TTC17: variants seen among roughly 807,000 people sequenced by gnomAD.
The protein encoded by TTC17 is tetratricopeptide repeat domain 17, also known as tetratricopeptide repeat protein 17.
A neutral mutation model predicts 143.8 loss-of-function variants in TTC17; 58 were observed. The observed-to-expected ratio is 0.40, with a 90% CI of 0.33 to 0.50. The LOEUF is 0.50. Ranked by LOEUF, TTC17 falls within the 20% of genes least tolerant of loss-of-function variation. TTC17 has a pLI of 0.49. For missense variants in TTC17, 1,273 were observed against 1,392.5 expected, an observed-to-expected ratio of 0.91 and a Z score of 1.37; for synonymous variants, 501 against 497.8, an observed-to-expected ratio of 1.01 and a Z score of -0.09.
chr11:43,396,833 C>T lies in TTC17; in HGVS notation c.773+15C>T, dbSNP rs780109978. ...TTCTCTTCCAGGTAAGATTCCTCCT[C>T]TTCTGGACCTGATTTTCCACATTCC... is the stretch of plus-strand genomic sequence containing the variant. On this transcript the variant is annotated intron_variant, in intron 6 of 23. Transcript: ENST00000039989. The T allele has an allele frequency of 2.0e-6, 3 of 1,520,332 alleles. No individual in the cohort carries two copies. The South Asian group carries it at 3.4e-5, about 17-fold the overall frequency. The allele number at this position is 1,520,332 out of a possible 1,614,324, so 94.2% of individuals were successfully genotyped here. A position where few individuals can be genotyped will look rare whatever the true frequency, so the allele number is the denominator to read the frequency against.
chr11:43,442,670 T>G (rs1311793865), intron 16 of TTC17, among the ~76,000 whole-genome samples: 1 of 152,194 alleles, frequency 6.6e-6, no homozygotes, highest in African/African-American at 2.4e-5. Context: ...ACATACTGAG[T>G]TCTCAGGAGA....
At chr11:43,387,293 T>A (rs1857205522) in intron 2 of TTC17, among the ~76,000 whole-genome samples, 1 of 152,170 alleles carries the variant, frequency 6.6e-6, no homozygotes, top group South Asian at 2.1e-4. Flanking sequence ...AGTGCTGTTC[T>A]CATGAAGGAA....
intron 15 of TTC17, among the ~76,000 whole-genome samples, chr11:43,408,488 G>A (rs1189953922): frequency 6.6e-6 from 1 of 152,138 alleles, no homozygotes; most frequent in Non-Finnish European, 1.5e-5. Context: ...GGTACAGTGG[G>A]AACAGATGTG....
At chr11:43,468,339 A>G (rs1375216213) in intron 21 of TTC17, 3 of 152,260 alleles carry the variant, frequency 2.0e-5, no homozygotes, top group Non-Finnish European at 2.9e-5. Flanking sequence ...AGAGGCCAAG[A>G]ATAAACCTTT....
intron 1 of TTC17, among the ~76,000 whole-genome samples, chr11:43,361,964 A>C (rs1856122443): frequency 6.6e-6 from 1 of 151,616 alleles, no homozygotes; most frequent in Non-Finnish European, 1.5e-5. Flanking sequence ...TGAATTGTCC[A>C]ACCATCATTA....
At position 43,494,193 on chromosome 11, in the gene TTC17, C is replaced by G. The variant is rs186611076; in HGVS notation, c.*289C>G. ...GCCAAGACATTTCTGGAGCTGTGCT[C>G]TGTCTCCAAAAACCTCAATGCCTTT... On this transcript the variant is annotated 3_prime_UTR_variant, in exon 24 of 24. Coordinates refer to ENST00000039989, the MANE Select transcript of TTC17 (RefSeq NM_018259.6). 19 of 238,010 alleles carry G rather than the reference C, an allele frequency of 8.0e-5. No homozygotes were observed. In the East Asian group the frequency reaches 1.5e-3, roughly 19 times the overall value. 14.7% of individuals were successfully genotyped at this position (238,010 alleles called of 1,614,324 possible). A position where few individuals can be genotyped will look rare whatever the true frequency, so the allele number is the denominator to read the frequency against.
intron 21 of TTC17, among the ~76,000 whole-genome samples, chr11:43,469,811 G>A (rs1332422370): frequency 6.6e-6 from 1 of 152,162 alleles, no homozygotes; most frequent in African/African-American, 2.4e-5. Flanking sequence ...ATTTGTTTAT[G>A]TAAGTTATAC....
chr11:43,433,293 C>G (rs889789777), intron 16 of TTC17, among the ~76,000 whole-genome samples: 5 of 152,216 alleles, frequency 3.3e-5, no homozygotes, highest in African/African-American at 4.8e-5. Context: ...GCCACCGCGC[C>G]TGGCCAAACT....
At chr11:43,427,543 C>T (rs1189002928) in intron 16 of TTC17, among the ~76,000 whole-genome samples, 1 of 152,140 alleles carries the variant, frequency 6.6e-6, no homozygotes, top group Non-Finnish European at 1.5e-5. Flanking sequence ...GCACTCATTG[C>T]TTTCTGCAGC....
chr11:43,400,500 C>CT (rs1410651991), intron 9 of TTC17, among the ~76,000 whole-genome samples: 2 of 152,118 alleles, frequency 1.3e-5, no homozygotes, highest in African/African-American at 2.4e-5. Flanking sequence ...AGGCCTTACA[C>CT]TAAGTGAATA....
intron 16 of TTC17, among the ~76,000 whole-genome samples, chr11:43,434,168 GACACACACACACACACACACACACAC>G (rs55913890): frequency 0.017 from 2,135 of 125,532 alleles, 38 homozygotes; most frequent in African/African-American, 0.027. Flanking sequence ...CATGGGCGGG[GACACACACACACACACACACACACAC>G]ACACACACAC....
chr11:43,436,077 G>C, intron 16 of TTC17: 3 of 1,139,486 alleles, frequency 2.6e-6, no homozygotes, highest in Non-Finnish European at 3.3e-6. Context: ...TCACATTTTT[G>C]CTCTTCTTGA....
chr11:43,401,361 T>G, intron 9 of TTC17, 85 bp from the exon 10 acceptor site: 1 of 862,514 alleles, frequency 1.2e-6, no homozygotes. Context: ...GATACAGGGT[T>G]GATACTAAAT....
rs762815039 is a variant in TTC17 at position 43,405,957 on chromosome 11, G to A, written c.1761+6G>A. On this transcript the variant is annotated splice_donor_region_variant and intron_variant, in intron 13 of 23. Transcript: ENST00000039989. The stretch of plus-strand genomic sequence containing the variant: ...CAGATGACCATGCACGAAAAGTAAG[G>A]CTCACTTAGGCTGGTATTTATTGCC... 4 of 1,610,350 alleles carry A rather than the reference G, an allele frequency of 2.5e-6. No individual in the cohort carries two copies. The South Asian group carries it at 3.3e-5, about 13-fold the overall frequency.
At position 43,370,343 on chromosome 11, in the gene TTC17, T is replaced by C. The variant is rs1336954905; in HGVS notation, c.160-8890T>C. 1.3e-4 allele frequency: 28 copies of C among 210,472 alleles called. No homozygotes were observed. The Admixed American group carries it at 1.6e-3, about 12-fold the overall frequency. 13.0% of individuals were successfully genotyped at this position (210,472 alleles called of 1,614,324 possible). A position where few individuals can be genotyped will look rare whatever the true frequency, so the allele number is the denominator to read the frequency against. Reference sequence around the variant, plus strand: ...TCTCTTAGACAATCATTTGATTGTTTGAGCTAGATTTGTGATAAGGGTAAA... The same window carrying C: ...TCTCTTAGACAATCATTTGATTGTTCGAGCTAGATTTGTGATAAGGGTAAA... On this transcript the variant is annotated intron_variant, in intron 1 of 23. Transcript: ENST00000039989.
chr11:43,479,673 G>A (rs1316018102), intron 21 of TTC17, among the ~76,000 whole-genome samples: 1 of 152,154 alleles, frequency 6.6e-6, no homozygotes, highest in African/African-American at 2.4e-5. Context: ...AATAACACTA[G>A]GTATTTCAGA....
chr11:43,456,215 A>ACCG (rs1564971024), intron 21 of TTC17, among the ~76,000 whole-genome samples: 44 of 142,216 alleles, frequency 3.1e-4, no homozygotes, highest in Non-Finnish European at 5.3e-4. Flanking sequence ...CACACACACC[A>ACCG]CTTAGCAGAA....
chr11:43,482,034 T>A (rs562167747), intron 21 of TTC17, among the ~76,000 whole-genome samples: 1 of 152,204 alleles, frequency 6.6e-6, no homozygotes, highest in South Asian at 2.1e-4. Context: ...AGTCTCAAAC[T>A]CCTGAGCTCC....
intron 23 of TTC17, among the ~76,000 whole-genome samples, chr11:43,493,139 GAAGTC>G (rs1432461264): frequency 1.3e-5 from 2 of 152,202 alleles, no homozygotes; most frequent in Non-Finnish European, 2.9e-5. Context: ...TTGGCTAGAA[GAAGTC>G]ATTAAACCAG....
Sources: gnomAD v4.1 joint callset for allele counts (sites outside exome capture counted in the v4.1 genomes callset) on GRCh38, gnomAD v4.1.1 for gene constraint, MANE v1.5 for transcripts, NCBI Gene and HGNC (gene_info 2026-07-23, HGNC 2026-07-21) for gene names.